Variants in ZNFX1 observed in about 807,000 individuals in gnomAD.
ZNFX1 encodes the protein NFX1-type zinc finger-containing protein 1.
In ZNFX1, 78 loss-of-function variants were observed where a neutral mutation model predicts 179.8. The ratio of observed to expected loss-of-function variants is 0.43; its 90% CI spans 0.36 to 0.52. The LOEUF is 0.52. Ranked by LOEUF, ZNFX1 falls within the 20% of genes least tolerant of loss-of-function variation. The pLI is 0.00. For missense variants in ZNFX1, 1,927 were observed against 2,386.6 expected (o/e 0.81, Z 4.01); for synonymous variants, 848 against 868.5 (o/e 0.98, Z 0.42).
In ZNFX1 at chr20:49,271,030, C is replaced by T. The variant is rs1365835857; in HGVS notation, c.782G>A (p.Ser261Asn). The T allele has an allele frequency of 6.2e-7, 1 of 1,614,108 alleles. No individual in the cohort carries two copies. Among genetic ancestry groups the T allele is most frequent in the Non-Finnish European group, 8.5e-7 (1 of 1,180,012 alleles). Residue 261 changes from serine to asparagine, a missense_variant, in exon 3 of 14, where the codon AGC becomes AAC. By Grantham distance (46) the Ser-to-Asn change is conservative. Transcript: ENST00000396105. ...LQDLVSVFPASSVQETSMLVS... is the reference protein window; with the variant it reads ...LQDLVSVFPANSVQETSMLVS... ...CAGCATGGAAGTTTCCTGCACAGAG[C>T]TGGCAGGGAAGACACTTACAAGGTC...
intron 12 of ZNFX1, among the ~76,000 whole-genome samples, chr20:49,252,284 G>C (rs1005763890): frequency 1.3e-5 from 2 of 151,810 alleles, no homozygotes; most frequent in African/African-American, 4.8e-5. Context: ...TGGGATTACA[G>C]GTGCCCACCA....
rs1980871835 is a variant in ZNFX1, at chr20:49,252,720, CT to C, written c.3215del (p.Gln1072ArgfsTer12). On this transcript the variant is annotated frameshift_variant and splice_region_variant, in exon 12 of 14. Coordinates refer to ENST00000396105, the MANE Select transcript of ZNFX1 (RefSeq NM_021035.3). LOFTEE classifies it high-confidence loss of function. ...VNIPFVRLNY[Q>X]HRMCPEIARL... ...TAACAACAGAGGCCCAGCTTCTCAC[CT>C]GGTAATTCAGACGGACAAAGGGAAT... 6.2e-7 allele frequency: 1 copy of C among 1,613,302 alleles called. No homozygotes were observed. Among genetic ancestry groups the C allele is most frequent in the Non-Finnish European group, 8.5e-7 (1 of 1,179,468 alleles).
In ZNFX1 at chr20:49,254,574, T is replaced by C. The variant is rs373006603; in HGVS notation, c.2880A>G (p.Ala960=). 18 of 1,614,110 alleles carry C rather than the reference T, an allele frequency of 1.1e-5. No individual in the cohort carries two copies. The highest frequency in any genetic ancestry group is 1.5e-5 in the Non-Finnish European group (18 of 1,180,046). Residue 960 remains alanine (A), a synonymous_variant, in exon 10 of 14, where the codon GCA becomes GCG. Transcript: ENST00000396105. ...GGAGTCTCAGCTCGGCCATTCTTTC[T>C]GCTGATGTGCGGTACTGGCGTTCAT... ...LSYERQYRTS[A]ERMAELRLQE...
rs769692453 is a variant in ZNFX1 at position 49,253,745 on chromosome 20, G to A, written c.3026C>T (p.Ala1009Val). The A allele has an allele frequency of 2.5e-6, 4 of 1,614,162 alleles. No homozygotes were observed. The highest frequency in any genetic ancestry group is 1.7e-6 in the Non-Finnish European group (2 of 1,180,044). ...AATGGTATGGGCCTCAAGGACTTCC[G>A]CAGCTTCTTCCACTATGACAATCCT... ...EPRIVIVEEA[A>V]EVLEAHTIAT... The change falls in exon 11 of 14, where the codon GCG becomes GTG. Residue 1009 changes from alanine (A) to valine (V), a missense_variant. Transcript: ENST00000396105.
rs1356142892 is a variant in ZNFX1 at position 49,271,109 on chromosome 20, C to G, written c.703G>C (p.Asp235His). Residue 235 changes from aspartate (D) to histidine (H), a missense_variant, in exon 3 of 14, where the codon GAC (aspartate) becomes CAC (histidine). Coordinates refer to ENST00000396105, the MANE Select transcript of ZNFX1 (RefSeq NM_021035.3). ...VVGMITEPIP[D>H]IRNQYPEHIS... is the part of the protein sequence containing the mutation. ...TGCTCTGGATACTGGTTTCGGATGT[C>G]AGGGATGGGTTCAGTGATCATCCCT... The G allele has an allele frequency of 6.2e-7, 1 of 1,613,988 alleles. No homozygotes were observed. The highest frequency in any genetic ancestry group is 1.3e-5 in the African/African-American group (1 of 74,882).
chr20:49,273,890 A>T (rs1447896558), intron 2 of ZNFX1, among the ~76,000 whole-genome samples: 1 of 152,154 alleles, frequency 6.6e-6, no homozygotes, highest in East Asian at 1.9e-4. Context: ...AGATCATGCC[A>T]TGGCACTCCA....
In ZNFX1 at chr20:49,248,191, TTCA is replaced by T; in HGVS notation, c.4830_4832del (p.Asp1610del). ...GGCAGACTTTCAATCTGATGGCGAC[TTCA>T]TCATCCTTCTGTTCATTCATGTAGC... On this transcript the variant is annotated inframe_deletion, in exon 14 of 14. Coordinates refer to ENST00000396105, the MANE Select transcript of ZNFX1 (RefSeq NM_021035.3). This position sits in a 1 kb window ranked among gnomAD's most constrained non-coding sequence, Gnocchi z 4.6. 6.2e-7 allele frequency: 1 copy of T among 1,614,198 alleles called. No homozygotes were observed. Among genetic ancestry groups the T allele is most frequent in the South Asian group, 1.1e-5 (1 of 91,084 alleles).
At chr20:49,250,864 C>T (rs1195719783) in intron 13 of ZNFX1, among the ~76,000 whole-genome samples, 1 of 151,924 alleles carries the variant, frequency 6.6e-6, no homozygotes, top group Non-Finnish European at 1.5e-5. Context: ...GCACATGCCA[C>T]CGCACCCAGC....
At position 49,247,660 on chromosome 20, in the gene ZNFX1, G is replaced by C. The variant is rs1251967666; in HGVS notation, c.5364C>G (p.Val1788=). 6.2e-7 allele frequency: 1 copy of C among 1,614,186 alleles called. No individual in the cohort carries two copies. The highest frequency in any genetic ancestry group is 1.1e-5 in the South Asian group (1 of 91,084). The change falls in exon 14 of 14, where the codon GTC becomes GTG. Residue 1788 remains valine (V), a synonymous_variant. Transcript: ENST00000396105. ...TCTCAAGGATATTCTGGACACTATA[G>C]ACCTCTACTGCTATGCTATCTTTCA... ...KKVKDSIAVE[V]YSVQNILEKT...
At chr20:49,261,045 C>T (rs987030929) in intron 6 of ZNFX1, among the ~76,000 whole-genome samples, 1 of 152,192 alleles carries the variant, frequency 6.6e-6, no homozygotes, top group East Asian at 1.9e-4. Flanking sequence ...TGTGCCACTA[C>T]ACTCCGGCCT....
In ZNFX1 at chr20:49,264,734, G is replaced by C; in HGVS notation, c.2133C>G (p.Leu711=). 2.5e-6 allele frequency: 4 copies of C among 1,614,058 alleles called. No homozygotes were observed. The highest frequency in any genetic ancestry group is 3.4e-6 in the Non-Finnish European group (4 of 1,180,040). ...REFRRNLPMH[L]RRAYMSIMTQ... is the part of the protein sequence containing the mutation. The stretch of plus-strand genomic sequence containing the variant: ...GACTTACACTCATGTAGGCCCTTCG[G>C]AGGTGCATGGGGAGGTTGCGGCGGA... The change falls in exon 5 of 14, where the codon CTC becomes CTG. Residue 711 remains leucine (L), a synonymous_variant. Transcript: ENST00000396105.
chr20:49,251,457 A>G (rs976412924), intron 13 of ZNFX1, 70 bp downstream of exon 13: 1 of 1,468,330 alleles, frequency 6.8e-7, no homozygotes, highest in Non-Finnish European at 9.3e-7. Context: ...AAGCTTTTTT[A>G]TCTTGAGGAA....
In ZNFX1 at chr20:49,251,628, A is replaced by G; in HGVS notation, c.3217-6T>C. ...ATTTCAGGGCACATACGGTGCTGAA[A>G]AAACACATGCATGTCATTAGAAACA... On this transcript the variant is annotated splice_region_variant and splice_polypyrimidine_tract_variant and intron_variant, in intron 12 of 13. Coordinates refer to ENST00000396105, the MANE Select transcript of ZNFX1 (RefSeq NM_021035.3). 2 of 1,605,322 alleles carry G rather than the reference A, an allele frequency of 1.2e-6. No individual in the cohort carries two copies. The highest frequency in any genetic ancestry group is 1.7e-6 in the Non-Finnish European group (2 of 1,175,864).
intron 7 of ZNFX1, among the ~76,000 whole-genome samples, chr20:49,259,403 T>C (rs1247293092): frequency 3.9e-5 from 6 of 152,240 alleles, no homozygotes; most frequent in East Asian, 1.9e-4. Flanking sequence ...AAGTAACACA[T>C]TGTCTAGTAT....
At chr20:49,266,313 ATAAAG>A (rs780821712) in intron 3 of ZNFX1, 47 bp from the exon 4 acceptor site, 9 of 1,542,080 alleles carry the variant, frequency 5.8e-6, no homozygotes, top group Non-Finnish European at 7.9e-6. Context: ...CATTTTCTAA[ATAAAG>A]TAATTACTCA....
chr20:49,264,177 G>A (rs1265109020), intron 5 of ZNFX1, among the ~76,000 whole-genome samples: 1 of 152,184 alleles, frequency 6.6e-6, no homozygotes, highest in African/African-American at 2.4e-5. Context: ...AGCCGAGATT[G>A]TGCCACTGCA....
chr20:49,263,571 C>T (rs754925187), intron 5 of ZNFX1, 88 bp from the exon 6 acceptor site: 16 of 1,457,718 alleles, frequency 1.1e-5, no homozygotes, highest in Non-Finnish European at 1.5e-5. Context: ...AAAGCTAAGA[C>T]AGGAACAGTA....
intron 9 of ZNFX1, among the ~76,000 whole-genome samples, 174 bp downstream of exon 9, chr20:49,255,634 T>C (rs1200185927): frequency 6.6e-6 from 1 of 152,228 alleles, no homozygotes; most frequent in African/African-American, 2.4e-5. Flanking sequence ...ATAAGCTCCA[T>C]GAAAGTAGAG....
chr20:49,247,687 C>G lies in ZNFX1; in HGVS notation c.5337G>C (p.Lys1779Asn). ...LLTRYKIAEKKVKDSIAVEVY... is the reference protein window; with the variant it reads ...LLTRYKIAEKNVKDSIAVEVY... ...CCTCTACTGCTATGCTATCTTTCAC[C>G]TTCTTCTCTGCTATCTTGTAGCGGG... Residue 1779 changes from lysine to asparagine, a missense_variant, in exon 14 of 14, where the codon AAG becomes AAC. Transcript: ENST00000396105. 2 of 1,614,112 alleles carry G rather than the reference C, an allele frequency of 1.2e-6. No individual in the cohort carries two copies. Among genetic ancestry groups the G allele is most frequent in the Non-Finnish European group, 1.7e-6 (2 of 1,179,984 alleles).
Sources: gnomAD v4.1 joint callset for allele counts (sites outside exome capture counted in the v4.1 genomes callset) on GRCh38, gnomAD v4.1.1 for gene constraint, Gnocchi (gnomAD v3.1) non-coding constraint, MANE v1.5 for transcripts, NCBI Gene and HGNC (gene_info 2026-07-23, HGNC 2026-07-21) for gene names.